The following TEX2 variants were observed in gnomAD, a reference collection of about 807,000 sequenced individuals.
TEX2 encodes testis-expressed protein 2.
TEX2 carries 53 observed loss-of-function variants against 106.9 expected under a neutral mutation model. The observed-to-expected ratio is 0.50, with a 90% confidence interval of 0.40 to 0.62. TEX2 has a LOEUF of 0.62. Ranked by LOEUF, TEX2 falls within the 20% of genes least tolerant of loss-of-function variation. The pLI is 0.00. For missense variants in TEX2, 1,207 were observed against 1,379.0 expected, an observed-to-expected ratio of 0.88 and a Z score of 1.98; for synonymous variants, 523 against 534.8, an observed-to-expected ratio of 0.98 and a Z score of 0.30.
At chr17:64,231,393 C>T (rs1343279032) in intron 1 of TEX2, among the ~76,000 whole-genome samples, 2 of 152,148 alleles carry the variant, frequency 1.3e-5, no homozygotes, top group African/African-American at 4.8e-5. Context: ...CACTGTTGTG[C>T]CCATTCAAGT....
chr17:64,171,059 G>T lies in TEX2; in HGVS notation c.2671+41C>A, dbSNP rs771435728. The T allele has an allele frequency of 1.8e-5, 27 of 1,499,776 alleles. No homozygotes were observed. The African/African-American group carries it at 2.3e-4, about 13-fold the overall frequency. The allele number at this position is 1,499,776 out of a possible 1,614,324, so 92.9% of individuals were successfully genotyped here. A position where few individuals can be genotyped will look rare whatever the true frequency, so the allele number is the denominator to read the frequency against. On this transcript the variant is annotated intron_variant, in intron 7 of 11. Coordinates refer to ENST00000584379, the MANE Select transcript of TEX2 (RefSeq NM_001288732.2). Reference sequence around the variant, plus strand: ...TCATGGTACTGAATCTGCAGCAAAGGATATATTTTAACACTCATAGAATGG... The same window carrying T: ...TCATGGTACTGAATCTGCAGCAAAGTATATATTTTAACACTCATAGAATGG...
At chr17:64,232,210 T>G (rs1174628498) in intron 1 of TEX2, among the ~76,000 whole-genome samples, 1 of 152,190 alleles carries the variant, frequency 6.6e-6, no homozygotes, top group Admixed American at 6.5e-5. Context: ...AGACTAAGTA[T>G]TAATAGTTGG....
chr17:64,260,145 G>T (rs1555638359), intron 1 of TEX2, among the ~76,000 whole-genome samples: 1 of 152,180 alleles, frequency 6.6e-6, no homozygotes, highest in Non-Finnish European at 1.5e-5. Flanking sequence ...ACTGCACTTG[G>T]CAGAGAGACA....
At chr17:64,190,058 C>G (rs1234498396) in intron 4 of TEX2, among the ~76,000 whole-genome samples, 3 of 151,996 alleles carry the variant, frequency 2.0e-5, no homozygotes, top group Non-Finnish European at 4.4e-5. Context: ...TTAAGAGGCT[C>G]CAACCATCAG....
rs143097673 is a variant in TEX2 at position 64,259,830 on chromosome 17, G to A, written c.-26+3338C>T. Among the ~76,000 whole-genome samples, 6 of 152,258 alleles carry A rather than the reference G, an allele frequency of 3.9e-5. No individual in the cohort carries two copies. The East Asian group carries it at 1.2e-3, about 29-fold the overall frequency. ...GTTCATCTAAGACCATTGACTATAA[G>A]ACACACTGTTATTTTATGTGCCAAA... On this transcript the variant is annotated intron_variant, in intron 1 of 11. Transcript: ENST00000584379.
At chr17:64,172,065 C>T (rs1448535793) in intron 6 of TEX2, among the ~76,000 whole-genome samples, 45 of 151,476 alleles carry the variant, frequency 3.0e-4, no homozygotes, top group Admixed American at 3.0e-3. Flanking sequence ...TGAAAAACAG[C>T]ACATGCTGGC....
intron 1 of TEX2, among the ~76,000 whole-genome samples, chr17:64,219,471 A>G (rs2033285348): frequency 6.6e-6 from 1 of 151,294 alleles, no homozygotes; most frequent in Non-Finnish European, 1.5e-5. Flanking sequence ...GGGCCACTGC[A>G]CTCCAGCCTG....
intron 5 of TEX2, among the ~76,000 whole-genome samples, chr17:64,186,040 G>C (rs1213674047): frequency 6.6e-6 from 1 of 152,200 alleles, no homozygotes; most frequent in East Asian, 1.9e-4. Flanking sequence ...TGTGACATCA[G>C]GGACCCCAGT....
rs893272793 is a variant in TEX2 at position 64,221,949 on chromosome 17, G to C, written c.-25-7707C>G. Among the ~76,000 whole-genome samples the C allele has an allele frequency of 2.0e-5, 3 of 152,156 alleles. No homozygotes were observed. In the East Asian group the frequency reaches 5.8e-4, roughly 29 times the overall value. ...AAATACTGTATGATTCCACTTACAA[G>C]AGGTATCTAAAGTAGTCAAATTCAT... is the stretch of plus-strand genomic sequence containing the variant. On this transcript the variant is annotated intron_variant, in intron 1 of 11. Coordinates refer to ENST00000584379, the MANE Select transcript of TEX2 (RefSeq NM_001288732.2).
At chr17:64,198,469 T>C (rs2032550129) in intron 2 of TEX2, among the ~76,000 whole-genome samples, 2 of 152,002 alleles carry the variant, frequency 1.3e-5, no homozygotes, top group Admixed American at 1.3e-4. Flanking sequence ...AAGTTGGAGC[T>C]GATGAGAACT....
At chr17:64,154,696 T>C in intron 9 of TEX2, 146 bp downstream of exon 9, 3 of 1,055,528 alleles carry the variant, frequency 2.8e-6, no homozygotes, top group Non-Finnish European at 3.9e-6. Flanking sequence ...AACAGACCAC[T>C]GACCTGGGAT....
chr17:64,223,625 G>C lies in TEX2; in HGVS notation c.-25-9383C>G, dbSNP rs2033423126. On this transcript the variant is annotated intron_variant, in intron 1 of 11. Transcript: ENST00000584379. ...TACTGGAGGAAAGAATGAGAGACAG[G>C]GTAAGGCAGGGAGGGAAGAAAGCAA... is the stretch of plus-strand genomic sequence containing the variant. 2.6e-5 allele frequency among the ~76,000 whole-genome samples: 4 copies of C among 151,698 alleles called. No individual in the cohort carries two copies. The South Asian group carries it at 8.4e-4, about 32-fold the overall frequency.
At chr17:64,200,412 T>C (rs1184152920) in intron 2 of TEX2, among the ~76,000 whole-genome samples, 1 of 152,150 alleles carries the variant, frequency 6.6e-6, no homozygotes, top group Non-Finnish European at 1.5e-5. Context: ...GGGATTCGGT[T>C]TTTAGCCACA....
chr17:64,198,420 A>G (rs768238633), intron 2 of TEX2, among the ~76,000 whole-genome samples: 3 of 151,584 alleles, frequency 2.0e-5, no homozygotes, highest in Non-Finnish European at 4.4e-5. Flanking sequence ...ATGCTTGCAG[A>G]GCTACTAAAA....
In TEX2 at chr17:64,148,862, GAA is replaced by G; in HGVS notation, c.*105_*106del. On this transcript the variant is annotated 3_prime_UTR_variant, in exon 12 of 12. Coordinates refer to ENST00000584379, the MANE Select transcript of TEX2 (RefSeq NM_001288732.2). ...GCAGAGGGCAGAAGCAGTCCTTTAA[GAA>G]ACAGTAGCTGTGGCACAGAGGCCAG... 7.0e-7 allele frequency: 1 copy of G among 1,429,364 alleles called. No homozygotes were observed. The highest frequency in any genetic ancestry group is 2.0e-5 in the Admixed American group (1 of 48,974). 88.5% of individuals were successfully genotyped at this position (1,429,364 alleles called of 1,614,324 possible). A position where few individuals can be genotyped will look rare whatever the true frequency, so the allele number is the denominator to read the frequency against.
intron 7 of TEX2, among the ~76,000 whole-genome samples, chr17:64,165,726 C>G (rs1248196875): frequency 2.0e-5 from 3 of 152,086 alleles, no homozygotes; most frequent in Non-Finnish European, 4.4e-5. Flanking sequence ...GTAGTGGATC[C>G]TGGTAGGATC....
intron 2 of TEX2, among the ~76,000 whole-genome samples, chr17:64,202,516 A>AGTCCCTG (rs2032704911): frequency 6.6e-6 from 1 of 152,212 alleles, no homozygotes; most frequent in Admixed American, 6.5e-5. Flanking sequence ...GATCTGACCA[A>AGTCCCTG]GTCCCTGGAT....
intron 7 of TEX2, among the ~76,000 whole-genome samples, chr17:64,163,865 T>G (rs928466269): frequency 6.6e-6 from 1 of 152,222 alleles, no homozygotes; most frequent in Non-Finnish European, 1.5e-5. Flanking sequence ...ACAGGGCCCT[T>G]TCTTTTGTAG....
rs995514005 is a variant in TEX2, at chr17:64,153,991, A to C, written c.2931-837T>G. Among the ~76,000 whole-genome samples the C allele has an allele frequency of 3.3e-5, 5 of 152,218 alleles. No homozygotes were observed. The highest frequency in any genetic ancestry group is 1.2e-4 in the African/African-American group (5 of 41,454). Reference sequence around the variant, plus strand: ...AAGTTGACGTGCTCACAGGCCAAGAAAATAAGCTGTTGTATCAGGTCACAT... The same window carrying C: ...AAGTTGACGTGCTCACAGGCCAAGACAATAAGCTGTTGTATCAGGTCACAT... On this transcript the variant is annotated intron_variant, in intron 9 of 11. Coordinates refer to ENST00000584379, the MANE Select transcript of TEX2 (RefSeq NM_001288732.2). This position sits in a 1 kb window ranked among gnomAD's most constrained non-coding sequence, Gnocchi z 4.1.
Sources: allele counts gnomAD v4.1 joint callset (sites outside exome capture counted in the v4.1 genomes callset), GRCh38; gene constraint gnomAD v4.1.1; non-coding constraint Gnocchi (gnomAD v3.1); transcripts MANE v1.5; gene names NCBI Gene and HGNC (gene_info 2026-07-23, HGNC 2026-07-21).